The following FYB1 variants were observed in gnomAD, a reference collection of about 807,000 sequenced individuals.
FYB1 encodes the protein FYN binding protein 1.
In FYB1, 41 loss-of-function variants were observed where a neutral mutation model predicts 94.1. That is an observed-to-expected ratio of 0.44 (90% CI 0.34 to 0.57). The LOEUF is 0.57. FYB1 is among the 20% of genes least tolerant of loss of function. FYB1 has a pLI of 0.02. For synonymous variants in FYB1, 367 were observed against 353.2 expected (o/e 1.04, Z -0.44); for missense variants, 1,050 against 976.8 (o/e 1.07, Z -1.00).
chr5:39,202,730 T>A lies in FYB1; in HGVS notation c.231A>T (p.Glu77Asp), dbSNP rs1194662539. The A allele has an allele frequency of 1.2e-6, 2 of 1,613,796 alleles. No homozygotes were observed. Among genetic ancestry groups the A allele is most frequent in the Non-Finnish European group, 1.7e-6 (2 of 1,179,850 alleles). ...KPSSEEKPDKEPKPPFLKPTG... is the reference protein window; with the variant it reads ...KPSSEEKPDKDPKPPFLKPTG... ...TGGGCTTTAGAAACGGGGGCTTGGGTTCCTTGTCAGGCTTTTCCTCAGAAG... is the reference window on the plus strand; with the variant it reads ...TGGGCTTTAGAAACGGGGGCTTGGGATCCTTGTCAGGCTTTTCCTCAGAAG... The change falls in exon 2 of 19, where the codon GAA (glutamate) becomes GAT (aspartate). Residue 77 changes from glutamate (E) to aspartate (D), a missense_variant. Glu to Asp is a conservative substitution (Grantham distance 45). Transcript: ENST00000512982.
intron 1 of FYB1, among the ~76,000 whole-genome samples, chr5:39,266,453 T>C (rs1439956641): frequency 6.6e-6 from 1 of 152,302 alleles, no homozygotes; most frequent in South Asian, 2.1e-4. Flanking sequence ...ATCTAATGTA[T>C]CTATCTTCAT....
upstream of FYB1, among the ~76,000 whole-genome samples, chr5:39,222,514 T>A (rs1052137269): frequency 1.6e-4 from 25 of 152,340 alleles, no homozygotes; most frequent in Admixed American, 5.9e-4. Context: ...TATACATTTT[T>A]AAAAGTTTGC....
intron 1 of FYB1, among the ~76,000 whole-genome samples, chr5:39,264,722 T>A (rs1049396728): frequency 2.6e-5 from 4 of 152,102 alleles, no homozygotes; most frequent in Admixed American, 2.6e-4. Context: ...CCACCTCAAG[T>A]TTCAGTTTCA....
intron 1 of FYB1, among the ~76,000 whole-genome samples, chr5:39,231,186 C>G (rs1394070774): frequency 7.5e-6 from 1 of 133,200 alleles, no homozygotes; most frequent in Non-Finnish European, 1.6e-5. Flanking sequence ...AAAAACAAAA[C>G]AGCTGTAGCC....
chr5:39,203,245 C>G (rs1748541749), intron 1 of FYB1, among the ~76,000 whole-genome samples: 1 of 152,068 alleles, frequency 6.6e-6, no homozygotes, highest in African/African-American at 2.4e-5. Context: ...AGGAACAAAT[C>G]CTTTCTTTAT....
At chr5:39,245,129 G>T (rs776221884) in intron 1 of FYB1, among the ~76,000 whole-genome samples, 1 of 152,024 alleles carries the variant, frequency 6.6e-6, no homozygotes, top group Non-Finnish European at 1.5e-5. Flanking sequence ...TGAGTTATGT[G>T]TCTGTTGTAC....
chr5:39,224,762 G>C (rs1295641106), intron 1 of FYB1, among the ~76,000 whole-genome samples: 1 of 152,112 alleles, frequency 6.6e-6, no homozygotes, highest in Non-Finnish European at 1.5e-5. Context: ...TGCAGGACTG[G>C]CTCCTATTTA....
At chr5:39,172,212 G>A (rs539082102) in intron 2 of FYB1, among the ~76,000 whole-genome samples, 13 of 152,266 alleles carry the variant, frequency 8.5e-5, no homozygotes, top group African/African-American at 2.2e-4. Flanking sequence ...TTGGGAGGCC[G>A]AGGCAGGTGG....
intron 2 of FYB1, among the ~76,000 whole-genome samples, chr5:39,158,574 C>A (rs1743963917): frequency 6.6e-6 from 1 of 152,170 alleles, no homozygotes; most frequent in Non-Finnish European, 1.5e-5. Context: ...ACTTCACAAA[C>A]TTTGCATTTT....
At chr5:39,215,486 G>A (rs1579710153) in intron 1 of FYB1, among the ~76,000 whole-genome samples, 1 of 152,314 alleles carries the variant, frequency 6.6e-6, no homozygotes, top group East Asian at 1.9e-4. Flanking sequence ...AGCACTTGCT[G>A]TGTGGTCCAA....
intron 1 of FYB1, among the ~76,000 whole-genome samples, chr5:39,261,225 A>G (rs1236656122): frequency 6.6e-6 from 1 of 151,804 alleles, no homozygotes; most frequent in Non-Finnish European, 1.5e-5. Context: ...CAATAGGTGC[A>G]GCAAACCACC....
At chr5:39,274,264 A>G (rs956400966) in intron 1 of FYB1, 1 of 152,014 alleles carries the variant, frequency 6.6e-6, no homozygotes, top group African/African-American at 2.4e-5. Context: ...ATAGTTATAA[A>G]CTCCGATACA....
intron 10 of FYB1, among the ~76,000 whole-genome samples, chr5:39,130,384 G>C (rs147983528): frequency 2.0e-5 from 3 of 152,136 alleles, no homozygotes; most frequent in African/African-American, 4.8e-5. Context: ...ATAATACATT[G>C]TACATTTCAA....
intron 18 of FYB1, among the ~76,000 whole-genome samples, chr5:39,107,956 C>T (rs557549929): frequency 3.3e-5 from 5 of 152,070 alleles, no homozygotes; most frequent in Non-Finnish European, 2.9e-5. Context: ...AAAAGAAATT[C>T]TTATTATGAG....
intron 7 of FYB1, among the ~76,000 whole-genome samples, chr5:39,136,737 T>G (rs1221803042): frequency 6.6e-6 from 1 of 152,204 alleles, no homozygotes; most frequent in African/African-American, 2.4e-5. Context: ...GCACCATGCA[T>G]TGAACCTTTG....
intron 1 of FYB1, among the ~76,000 whole-genome samples, chr5:39,232,377 C>A (rs911315593): frequency 5.9e-5 from 9 of 152,052 alleles, no homozygotes; most frequent in Non-Finnish European, 1.3e-4. Context: ...CACCACTCTA[C>A]CCGTTCTCCT....
At chr5:39,122,014 G>A (rs904277212) in intron 14 of FYB1, among the ~76,000 whole-genome samples, 1 of 152,056 alleles carries the variant, frequency 6.6e-6, no homozygotes. Context: ...TATTTCCCCA[G>A]TGAATGAATG....
intron 1 of FYB1, among the ~76,000 whole-genome samples, chr5:39,274,116 G>C (rs1008593540): frequency 3.3e-5 from 5 of 151,934 alleles, no homozygotes; most frequent in African/African-American, 1.2e-4. Context: ...GTAGAGATGG[G>C]GTTTCACCAT....
chr5:39,121,166 T>C, intron 14 of FYB1, among the ~76,000 whole-genome samples: 1 of 128,014 alleles, frequency 7.8e-6, no homozygotes, highest in East Asian at 2.1e-4. Flanking sequence ...TGGAATGTGA[T>C]GTACAGTAAT....
Sources: gnomAD v4.1 joint callset for allele counts (sites outside exome capture counted in the v4.1 genomes callset) on GRCh38, gnomAD v4.1.1 for gene constraint, MANE v1.5 for transcripts, NCBI Gene and HGNC (gene_info 2026-07-23, HGNC 2026-07-21) for gene names.